MBOAT1: variants seen among roughly 807,000 people sequenced by gnomAD.
MBOAT1 encodes membrane-bound glycerophospholipid O-acyltransferase 1.
Under a neutral mutation model 64.4 loss-of-function variants are expected in MBOAT1, and 67 were observed. The ratio of observed to expected loss-of-function variants is 1.04; its 90% CI spans 0.85 to 1.27. The LOEUF is 1.27. Among genes scored for constraint, MBOAT1 ranks in the 50% most tolerant of loss-of-function variants. MBOAT1 has a pLI of 0.00. For synonymous variants in MBOAT1, 229 were observed against 218.9 expected, an observed-to-expected ratio of 1.05 and a Z score of -0.41; for missense variants, 563 against 604.6, an observed-to-expected ratio of 0.93 and a Z score of 0.72.
intron 5 of MBOAT1, 117 bp downstream of exon 5, chr6:20,131,027 G>T (rs2113659924): frequency 1.1e-6 from 1 of 896,294 alleles, no homozygotes; most frequent in Non-Finnish European, 1.8e-6. Flanking sequence ...TTTTGAACAA[G>T]ATAAAGCAAG....
intron 4 of MBOAT1, among the ~76,000 whole-genome samples, chr6:20,135,849 T>C (rs1760975439): frequency 6.6e-6 from 1 of 152,170 alleles, no homozygotes; most frequent in Non-Finnish European, 1.5e-5. Flanking sequence ...GGGAAGAGAA[T>C]ACAGATTCAA....
intron 1 of MBOAT1, among the ~76,000 whole-genome samples, chr6:20,206,736 G>A (rs1001647393): frequency 2.0e-5 from 3 of 152,064 alleles, no homozygotes; most frequent in East Asian, 1.9e-4. Flanking sequence ...CCTGGGTACC[G>A]TCAATGTCAA....
chr6:20,182,608 G>A (rs1407714330), intron 1 of MBOAT1, among the ~76,000 whole-genome samples: 1 of 152,102 alleles, frequency 6.6e-6, no homozygotes, highest in Admixed American at 6.6e-5. Context: ...GCAATGCCTT[G>A]GGTCTGTTCT....
At chr6:20,146,110 C>T (rs1301072347) in intron 3 of MBOAT1, among the ~76,000 whole-genome samples, 1 of 152,202 alleles carries the variant, frequency 6.6e-6, no homozygotes, top group Non-Finnish European at 1.5e-5. Context: ...ATACATTACA[C>T]ATTTTAAGTG....
intron 1 of MBOAT1, among the ~76,000 whole-genome samples, chr6:20,196,064 T>C (rs1174408657): frequency 6.6e-6 from 1 of 152,192 alleles, no homozygotes; most frequent in Non-Finnish European, 1.5e-5. Context: ...ATTTGGGCCT[T>C]GGCTCTGGAC....
chr6:20,112,757 T>C, intron 11 of MBOAT1, 119 bp downstream of exon 11: 1 of 1,127,592 alleles, frequency 8.9e-7, no homozygotes, highest in East Asian at 2.4e-5. Flanking sequence ...GTTTGATTTT[T>C]CAAAACATCA....
chr6:20,212,177 G>A lies in MBOAT1; in HGVS notation c.58C>T (p.Leu20=), dbSNP rs1440857422. 6.2e-7 allele frequency: 1 copy of A among 1,613,704 alleles called. No individual in the cohort carries two copies. The highest frequency in any genetic ancestry group is 2.2e-5 in the East Asian group (1 of 44,856). The change falls in exon 1 of 13, where the codon CTG becomes TTG. Residue 20 remains leucine, a synonymous_variant. Transcript: ENST00000324607. The part of the protein sequence containing the change: ...LSYRTTGSTY[L]HPLSELLGIP... ...CCCAGGAGCTCGCTGAGCGGGTGCA[G>A]GTAGGTGGAGCCCGTGGTGCGGTAG...
chr6:20,111,890 A>ACATATATATACG (rs1760182058), intron 11 of MBOAT1, among the ~76,000 whole-genome samples: 1 of 140,094 alleles, frequency 7.1e-6, no homozygotes, highest in African/African-American at 2.8e-5. Context: ...GTATATATAT[A>ACATATATATACG]TATTCCAGCA....
intron 1 of MBOAT1, among the ~76,000 whole-genome samples, chr6:20,164,849 G>A (rs1438744117): frequency 1.3e-5 from 2 of 152,102 alleles, no homozygotes. Flanking sequence ...AGTAGAAACC[G>A]AACTTTGAGT....
At chr6:20,205,937 C>T (rs1763252199) in intron 1 of MBOAT1, among the ~76,000 whole-genome samples, 1 of 152,152 alleles carries the variant, frequency 6.6e-6, no homozygotes, top group Admixed American at 6.5e-5. Context: ...CCAACTCCTC[C>T]CCAACCCTCA....
chr6:20,124,344 G>C, intron 8 of MBOAT1, 64 bp downstream of exon 8: 3 of 1,529,036 alleles, frequency 2.0e-6, no homozygotes, highest in Non-Finnish European at 2.7e-6. Context: ...ACGTCGTTCT[G>C]GCTAAGCCAT....
At chr6:20,168,663 GAGAAA>G (rs1762100523) in intron 1 of MBOAT1, among the ~76,000 whole-genome samples, 8 of 135,626 alleles carry the variant, frequency 5.9e-5, no homozygotes, top group East Asian at 2.2e-4. Flanking sequence ...GAGGGAAAGA[GAGAAA>G]GAGAGAGAGA....
intron 5 of MBOAT1, 26 bp downstream of exon 5, chr6:20,131,118 A>G: frequency 6.2e-7 from 1 of 1,606,844 alleles, no homozygotes; most frequent in Middle Eastern, 1.7e-4. Context: ...CACTCTGAGA[A>G]CCAAAAGGAG....
At chr6:20,157,799 T>C (rs1761738781) in intron 1 of MBOAT1, among the ~76,000 whole-genome samples, 1 of 150,516 alleles carries the variant, frequency 6.6e-6, no homozygotes, top group Non-Finnish European at 1.5e-5. Flanking sequence ...AAAGAAACAA[T>C]GTATAACAGT....
At chr6:20,175,400 A>G (rs1188119731) in intron 1 of MBOAT1, among the ~76,000 whole-genome samples, 1 of 151,776 alleles carries the variant, frequency 6.6e-6, no homozygotes, top group African/African-American at 2.4e-5. Context: ...CTAGGACTAG[A>G]GGCACGAGCC....
intron 1 of MBOAT1, among the ~76,000 whole-genome samples, chr6:20,205,764 C>T (rs1318962751): frequency 3.9e-5 from 6 of 152,150 alleles, no homozygotes; most frequent in Non-Finnish European, 8.8e-5. Context: ...AAAGGCCCCC[C>T]CACCCACCTG....
chr6:20,129,238 C>T (rs913543540), intron 5 of MBOAT1, among the ~76,000 whole-genome samples: 1 of 151,684 alleles, frequency 6.6e-6, no homozygotes, highest in African/African-American at 2.4e-5. Flanking sequence ...TCTTCCAGAA[C>T]AATAAAAAAT....
At chr6:20,126,475 C>A in intron 7 of MBOAT1, 42 bp downstream of exon 7, 1 of 1,530,296 alleles carries the variant, frequency 6.5e-7, no homozygotes, top group Non-Finnish European at 8.8e-7. Flanking sequence ...AGAGAGTCAA[C>A]CCTGGCAGCA....
chr6:20,130,415 G>A (rs910553544), intron 5 of MBOAT1, among the ~76,000 whole-genome samples: 27 of 152,150 alleles, frequency 1.8e-4, no homozygotes, highest in Admixed American at 5.2e-4. Context: ...GTGCAGTGGC[G>A]CGATCTCGGC....
Sources: allele counts gnomAD v4.1 joint callset (sites outside exome capture counted in the v4.1 genomes callset), GRCh38; gene constraint gnomAD v4.1.1; transcripts MANE v1.5; gene names NCBI Gene and HGNC (gene_info 2026-07-23, HGNC 2026-07-21).